Variants in TES observed in about 807,000 individuals in gnomAD.
The protein encoded by TES is testin LIM domain protein.
TES carries 41 observed loss-of-function variants against 48.2 expected under a neutral mutation model. That is an observed-to-expected ratio of 0.85 (90% CI 0.66 to 1.10). The LOEUF (loss-of-function observed/expected upper bound fraction) is 1.10. Among genes scored for constraint, TES ranks in the 50% least tolerant of loss-of-function variants. TES has a pLI of 0.00. For synonymous variants in TES, 162 were observed against 174.9 expected, an observed-to-expected ratio of 0.93 and a Z score of 0.58; for missense variants, 463 against 515.1, an observed-to-expected ratio of 0.90 and a Z score of 0.98.
At chr7:116,241,709 A>G (rs1361695559) in intron 2 of TES, among the ~76,000 whole-genome samples, 1 of 152,158 alleles carries the variant, frequency 6.6e-6, no homozygotes, top group Admixed American at 6.5e-5. Flanking sequence ...TTTTCTTACC[A>G]CTAGCGTTAT....
At chr7:116,229,717 T>C (rs1799673701) in intron 1 of TES, among the ~76,000 whole-genome samples, 1 of 152,198 alleles carries the variant, frequency 6.6e-6, no homozygotes. Flanking sequence ...TTGGAAGAAA[T>C]TTGCCTCACA....
At chr7:116,251,342 CT>C (rs772350033) in intron 4 of TES, among the ~76,000 whole-genome samples, 1 of 152,122 alleles carries the variant, frequency 6.6e-6, no homozygotes, top group Admixed American at 6.5e-5. Context: ...GAAATTATGT[CT>C]CTTCAAAGTT....
chr7:116,216,526 AAAT>A (rs1318764079), intron 1 of TES, among the ~76,000 whole-genome samples: 1 of 151,872 alleles, frequency 6.6e-6, no homozygotes, highest in Non-Finnish European at 1.5e-5. Context: ...TGATCGTGGG[AAAT>A]AATATCAGTA....
At position 116,257,308 on chromosome 7, in the gene TES, C is replaced by T. The variant is rs1206789298; in HGVS notation, c.1092C>T (p.Cys364=). ...VKNHAVVCQG[C]HNAIDPEVQR... ...TTTCTTAATAGGTGTGTCAAGGATG[C>T]CACAATGCCATCGACCCAGAAGTGC... is the stretch of plus-strand genomic sequence containing the variant. Residue 364 remains cysteine (C), a synonymous_variant, in exon 7 of 7, where the codon TGC becomes TGT. Transcript: ENST00000358204. The T allele has an allele frequency of 6.2e-7, 1 of 1,610,520 alleles. No homozygotes were observed. Among genetic ancestry groups the T allele is most frequent in the Non-Finnish European group, 8.5e-7 (1 of 1,178,542 alleles).
intron 1 of TES, among the ~76,000 whole-genome samples, chr7:116,215,139 T>G (rs1033119502): frequency 3.9e-5 from 6 of 152,136 alleles, no homozygotes; most frequent in African/African-American, 1.4e-4. Flanking sequence ...AACTAAAAGT[T>G]TAGATAGCGT....
At chr7:116,214,425 G>T (rs1460945861) in intron 1 of TES, among the ~76,000 whole-genome samples, 1 of 152,156 alleles carries the variant, frequency 6.6e-6, no homozygotes, top group Non-Finnish European at 1.5e-5. Flanking sequence ...TGCATTCCAG[G>T]CTTGAAGCCA....
rs768227554 is a variant in TES at position 116,249,031 on chromosome 7, G to T, written c.125G>T (p.Arg42Leu). ...TTTCAAAATTATAGAAAAATATGTC[G>T]TAACTGCAAGTGTGGCCAAGAAGAG... ...FELHFWRKIC[R>L]NCKCGQEEHD... Residue 42 changes from arginine to leucine, a missense_variant, in exon 3 of 7, where the codon CGT becomes CTT. By Grantham distance (102) the Arg-to-Leu change is moderately radical. Transcript: ENST00000358204. 3.2e-6 allele frequency: 5 copies of T among 1,583,022 alleles called. No individual in the cohort carries two copies. The highest frequency in any genetic ancestry group is 4.3e-6 in the Non-Finnish European group (5 of 1,165,024).
At chr7:116,230,019 T>C (rs1384585458) in intron 1 of TES, among the ~76,000 whole-genome samples, 2 of 152,238 alleles carry the variant, frequency 1.3e-5, no homozygotes, top group Non-Finnish European at 2.9e-5. Flanking sequence ...TACTTATAGC[T>C]ATAAAATAAA....
intron 2 of TES, among the ~76,000 whole-genome samples, chr7:116,248,292 T>C (rs567792489): frequency 9.9e-5 from 15 of 152,260 alleles, no homozygotes; most frequent in Non-Finnish European, 2.1e-4. Context: ...ACGGGTGCAT[T>C]GTCCTTTTGG....
At chr7:116,223,085 C>T (rs1359463537) in intron 1 of TES, 9 of 779,010 alleles carry the variant, frequency 1.2e-5, no homozygotes, top group African/African-American at 1.9e-5. Context: ...GATAGCAGTC[C>T]GTTTGAAAAA....
Position 116,229,443 on chromosome 7 carries a change from TCCTGAATACAA to T in TES, c.28-5090_28-5080del, listed in dbSNP as rs569818187. On this transcript the variant is annotated intron_variant, in intron 1 of 6. Coordinates refer to ENST00000358204, the MANE Select transcript of TES (RefSeq NM_015641.4). ...ATTCTGGGTCCTGGACTTCAGGGAATCCTGAATACAAAGTGAATAATGGAGAGAAATTAGAG... is the reference window on the plus strand; with the variant it reads ...ATTCTGGGTCCTGGACTTCAGGGAATAGTGAATAATGGAGAGAAATTAGAG... 3.2e-4 allele frequency among the ~76,000 whole-genome samples: 49 copies of T among 152,262 alleles called. No homozygotes were observed. In the South Asian group the frequency reaches 8.3e-3, roughly 26 times the overall value.
At chr7:116,214,907 C>T (rs1799477398) in intron 1 of TES, among the ~76,000 whole-genome samples, 1 of 152,122 alleles carries the variant, frequency 6.6e-6, no homozygotes, top group South Asian at 2.1e-4. Context: ...AATATTTTCT[C>T]CTTTTCTCCT....
At chr7:116,212,283 AG>A (rs1799447643) in intron 1 of TES, among the ~76,000 whole-genome samples, 1 of 152,238 alleles carries the variant, frequency 6.6e-6, no homozygotes, top group African/African-American at 2.4e-5. Flanking sequence ...CAGGATTTTT[AG>A]GGTAATGACA....
Position 116,258,537 on chromosome 7 carries a change from CTTGCCTGCCATGATTTAGATAAGATT to C in TES, c.*1058_*1083del, listed in dbSNP as rs1172711724. On this transcript the variant is annotated 3_prime_UTR_variant, in exon 7 of 7. Transcript: ENST00000358204. Reference sequence around the variant, plus strand: ...GAGACTATGATTTATATTGATTGCACTTGCCTGCCATGATTTAGATAAGATTTTTTTTGCATGGTTTTTATTCTTTC... The same window carrying C: ...GAGACTATGATTTATATTGATTGCACTTTTTTGCATGGTTTTTATTCTTTC... 6.6e-6 allele frequency: 1 copy of C among 151,578 alleles called. No individual in the cohort carries two copies. The highest frequency in any genetic ancestry group is 2.4e-5 in the African/African-American group (1 of 40,936). The allele number at this position is 151,578 out of a possible 1,614,324, so 9.4% of individuals were successfully genotyped here.
Position 116,210,684 on chromosome 7 carries a change from A to G in TES, c.-24A>G. ...CCGTGGGATCCCGGATAGGAGGAGG[A>G]GGGGACCCATAGGACGCGTTAACAT... On this transcript the variant is annotated 5_prime_UTR_variant, in exon 1 of 7. Coordinates refer to ENST00000358204, the MANE Select transcript of TES (RefSeq NM_015641.4). The G allele has an allele frequency of 7.7e-7, 1 of 1,299,212 alleles. No homozygotes were observed. Among genetic ancestry groups the G allele is most frequent in the Non-Finnish European group, 9.9e-7 (1 of 1,012,464 alleles). The allele number at this position is 1,299,212 out of a possible 1,614,324, so 80.5% of individuals were successfully genotyped here.
At chr7:116,222,810 TAGG>T (rs1298728615) in intron 1 of TES, 4 of 181,090 alleles carry the variant, frequency 2.2e-5, no homozygotes, top group Non-Finnish European at 4.2e-5. Flanking sequence ...AGCAAATAAA[TAGG>T]AGGTTTTGAG....
intron 2 of TES, among the ~76,000 whole-genome samples, chr7:116,248,731 CTGTT>C (rs923983346): frequency 6.6e-6 from 1 of 152,180 alleles, no homozygotes; most frequent in South Asian, 2.1e-4. Flanking sequence ...TATAGGTTGT[CTGTT>C]TGTCCTGTTG....
chr7:116,232,316 GTTCT>G (rs1274351179), intron 1 of TES, among the ~76,000 whole-genome samples: 3 of 152,180 alleles, frequency 2.0e-5, no homozygotes, highest in Non-Finnish European at 2.9e-5. Context: ...GTATGTGCAA[GTTCT>G]TTGTCATGAG....
At chr7:116,221,609 C>T (rs771029812) in intron 1 of TES, among the ~76,000 whole-genome samples, 1 of 152,094 alleles carries the variant, frequency 6.6e-6, no homozygotes, top group Admixed American at 6.6e-5. Context: ...TCACAGCTTC[C>T]CACAGTGAAA....
Sources: allele counts gnomAD v4.1 joint callset (sites outside exome capture counted in the v4.1 genomes callset), GRCh38; gene constraint gnomAD v4.1.1; transcripts MANE v1.5; gene names NCBI Gene and HGNC (gene_info 2026-07-23, HGNC 2026-07-21).